CDH13: variants seen among roughly 807,000 people sequenced by gnomAD.
The protein encoded by CDH13 is cadherin-13.
In CDH13, 24 loss-of-function variants were observed where a neutral mutation model predicts 63.8. The ratio of observed to expected loss-of-function variants is 0.38; its 90% CI spans 0.27 to 0.53. The LOEUF (loss-of-function observed/expected upper bound fraction) is 0.53, where lower values mean the gene tolerates loss of function less well. Among genes scored for constraint, CDH13 ranks in the 20% least tolerant of loss-of-function variants. The pLI, the probability that CDH13 is intolerant of heterozygous loss-of-function variation, is 0.85. For synonymous variants in CDH13, 503 were observed against 355.3 expected (o/e 1.42, Z -4.67); for missense variants, 1,049 against 903.1 (o/e 1.16, Z -2.07).
At chr16:83,661,157 A>C (rs758502452) in intron 8 of CDH13, among the ~76,000 whole-genome samples, 1 of 152,144 alleles carries the variant, frequency 6.6e-6, no homozygotes, top group Non-Finnish European at 1.5e-5. Flanking sequence ...TATTTGAAGG[A>C]AAATGTTTGA....
At chr16:83,360,302 C>G (rs1418351441) in intron 6 of CDH13, among the ~76,000 whole-genome samples, 1 of 152,144 alleles carries the variant, frequency 6.6e-6, no homozygotes, top group African/African-American at 2.4e-5. Context: ...CATCTGTGTT[C>G]TGTGTACCTT....
At chr16:82,729,979 G>A (rs2033312446) in intron 1 of CDH13, among the ~76,000 whole-genome samples, 2 of 152,126 alleles carry the variant, frequency 1.3e-5, no homozygotes, top group Admixed American at 1.3e-4. Flanking sequence ...CCTTTCTTCT[G>A]TAGTTCCTTA....
chr16:83,258,805 C>A (rs867151071), intron 5 of CDH13, among the ~76,000 whole-genome samples: 1 of 152,148 alleles, frequency 6.6e-6, no homozygotes, highest in Non-Finnish European at 1.5e-5. Flanking sequence ...CACATCGTGA[C>A]GCTATAAATA....
intron 3 of CDH13, among the ~76,000 whole-genome samples, chr16:83,039,490 C>T (rs1917152608): frequency 6.6e-6 from 1 of 152,174 alleles, no homozygotes; most frequent in South Asian, 2.1e-4. Context: ...CAGTGCTTTT[C>T]CTTCCTAGGC....
At chr16:83,191,251 A>G (rs1365718265) in intron 4 of CDH13, among the ~76,000 whole-genome samples, 1 of 145,660 alleles carries the variant, frequency 6.9e-6, no homozygotes, top group African/African-American at 2.6e-5. Flanking sequence ...GGACAGAATA[A>G]GCCTGTAACA....
At chr16:82,945,012 T>C (rs1904542587) in intron 2 of CDH13, among the ~76,000 whole-genome samples, 1 of 152,224 alleles carries the variant, frequency 6.6e-6, no homozygotes, top group Non-Finnish European at 1.5e-5. Flanking sequence ...GTCTGACTTA[T>C]AATTGCTGTC....
intron 10 of CDH13, among the ~76,000 whole-genome samples, chr16:83,727,911 T>A (rs1453674896): frequency 1.3e-5 from 2 of 152,126 alleles, no homozygotes; most frequent in African/African-American, 4.8e-5. Flanking sequence ...TCAAAGGAGC[T>A]TTTGGGATTC....
chr16:83,019,004 A>G (rs1915083130), intron 2 of CDH13, among the ~76,000 whole-genome samples: 1 of 152,246 alleles, frequency 6.6e-6, no homozygotes, highest in Non-Finnish European at 1.5e-5. Context: ...CTAGGACATT[A>G]CTGTGCAGGA....
chr16:82,689,796 A>G (rs780321967), intron 1 of CDH13, among the ~76,000 whole-genome samples: 1 of 151,870 alleles, frequency 6.6e-6, no homozygotes, highest in Non-Finnish European at 1.5e-5. Flanking sequence ...TGGAGCAAAC[A>G]TAGCTTCTGA....
chr16:82,972,947 T>C (rs1182883466), intron 2 of CDH13, among the ~76,000 whole-genome samples: 1 of 152,202 alleles, frequency 6.6e-6, no homozygotes, highest in Non-Finnish European at 1.5e-5. Context: ...CCACTTTATT[T>C]TTTTAAAGTG....
chr16:83,669,528 A>G (rs139476147), intron 8 of CDH13, among the ~76,000 whole-genome samples: 127 of 152,266 alleles, frequency 8.3e-4, no homozygotes, highest in Middle Eastern at 3.4e-3. Flanking sequence ...ATCCCTTCTC[A>G]TTCCCACTAT....
intron 1 of CDH13, among the ~76,000 whole-genome samples, chr16:82,800,323 C>G (rs1297735325): frequency 6.6e-6 from 1 of 152,056 alleles, no homozygotes; most frequent in Non-Finnish European, 1.5e-5. Flanking sequence ...TATGAAGACC[C>G]AGTTCAATGG....
chr16:82,858,414 A>C lies in CDH13; in HGVS notation c.98A>C (p.Gln33Pro), dbSNP rs769355166. 6.2e-7 allele frequency: 1 copy of C among 1,613,934 alleles called. No homozygotes were observed. The highest frequency in any genetic ancestry group is 1.1e-5 in the South Asian group (1 of 91,080). Residue 33 changes from glutamine to proline, a missense_variant, in exon 2 of 14, where the codon CAG (glutamine) becomes CCG (proline). Transcript: ENST00000567109. ...TTGGACTGCACTCCTGGATTTCAGC[A>C]GAAAGTGTTCCATATCAATCAGCCA... Reference protein sequence around the residue: ...EDLDCTPGFQQKVFHINQPAE... With the variant: ...EDLDCTPGFQPKVFHINQPAE...
At chr16:83,648,831 C>T (rs752912066) in intron 8 of CDH13, among the ~76,000 whole-genome samples, 1 of 152,002 alleles carries the variant, frequency 6.6e-6, no homozygotes, top group Non-Finnish European at 1.5e-5. Context: ...CTTTCCCTCG[C>T]TGTTTCTTTC....
intron 11 of CDH13, among the ~76,000 whole-genome samples, chr16:83,762,477 G>A (rs1914055234): frequency 3.3e-5 from 5 of 152,242 alleles, no homozygotes; most frequent in Admixed American, 3.3e-4. Flanking sequence ...TGTGCTGGCA[G>A]TGGAGCAAGG....
intron 10 of CDH13, among the ~76,000 whole-genome samples, chr16:83,745,134 C>T (rs534671246): frequency 2.0e-5 from 3 of 152,252 alleles, no homozygotes; most frequent in South Asian, 2.1e-4. Flanking sequence ...GGTGTCCAGC[C>T]GGCGCAATGT....
intron 6 of CDH13, among the ~76,000 whole-genome samples, chr16:83,460,156 A>C (rs2073137497): frequency 6.6e-6 from 1 of 152,236 alleles, no homozygotes; most frequent in African/African-American, 2.4e-5. Flanking sequence ...GTTCACACTC[A>C]TTGGCCATTG....
chr16:82,994,951 C>G (rs889992259), intron 2 of CDH13, among the ~76,000 whole-genome samples: 4 of 152,172 alleles, frequency 2.6e-5, no homozygotes, highest in African/African-American at 9.7e-5. Flanking sequence ...GGCTCCATTT[C>G]TTCATGGGTA....
In CDH13 at chr16:83,292,751, A is replaced by T. The variant is rs1435951201; in HGVS notation, c.637-52111A>T. Among the ~76,000 whole-genome samples the T allele has an allele frequency of 3.3e-5, 5 of 152,198 alleles. No homozygotes were observed. The East Asian group carries it at 9.6e-4, about 29-fold the overall frequency. On this transcript the variant is annotated intron_variant, in intron 5 of 13. Transcript: ENST00000567109. ...TTGTATTTGTGAATATCCTCAGGGTATGTTCAGAAAATCAGTGTTATAAGA... is the reference window on the plus strand; with the variant it reads ...TTGTATTTGTGAATATCCTCAGGGTTTGTTCAGAAAATCAGTGTTATAAGA...
Sources: gnomAD v4.1 joint callset for allele counts (sites outside exome capture counted in the v4.1 genomes callset) on GRCh38, gnomAD v4.1.1 for gene constraint, MANE v1.5 for transcripts, NCBI Gene and HGNC (gene_info 2026-07-23, HGNC 2026-07-21) for gene names.